Variants in PPP2R5A observed in about 807,000 individuals in gnomAD.
PPP2R5A encodes protein phosphatase 2 regulatory subunit B'alpha, also known as serine/threonine-protein phosphatase 2A 56 kDa regulatory subunit alpha isoform.
A neutral mutation model predicts 64.2 loss-of-function variants in PPP2R5A; 25 were observed. The ratio of observed to expected loss-of-function variants is 0.39; its 90% confidence interval spans 0.28 to 0.54. The LOEUF (loss-of-function observed/expected upper bound fraction) is 0.54. Among genes scored for constraint, PPP2R5A ranks in the 20% least tolerant of loss-of-function variants. The pLI is 0.67. For missense variants in PPP2R5A, 425 were observed against 576.3 expected (o/e 0.74, Z 2.69); for synonymous variants, 198 against 201.2 (o/e 0.98, Z 0.13).
In PPP2R5A at chr1:212,333,515, C is replaced by T; in HGVS notation, c.397C>T (p.Arg133Cys). Residue 133 changes from arginine to cysteine, a missense_variant, in exon 3 of 13, where the codon CGT becomes TGT. By Grantham distance (180) the Arg-to-Cys change is radical. Transcript: ENST00000261461. ...IVKMISANIF[R>C]TLPPSDNPDF... ...TTTACAGATCAGTGCTAACATCTTC[C>T]GTACACTTCCTCCAAGTGATAATCC... 4 of 1,594,530 alleles carry T rather than the reference C, an allele frequency of 2.5e-6. No homozygotes were observed. The highest frequency in any genetic ancestry group is 3.4e-6 in the Non-Finnish European group (4 of 1,168,196).
In PPP2R5A at chr1:212,321,923, C is replaced by T. The variant is rs1444044421; in HGVS notation, c.182-7212C>T. Among the ~76,000 whole-genome samples, 7 of 151,890 alleles carry T rather than the reference C, an allele frequency of 4.6e-5. 1 individual carries two copies. The highest frequency in any genetic ancestry group is 1.3e-4 in the Admixed American group (2 of 15,268). ...ATTGAGCACTGAGTGAACGCGACTC[C>T]GTCTGCCATCCCGGCACCTCGGGAG... On this transcript the variant is annotated intron_variant, in intron 1 of 12. Transcript: ENST00000261461.
At chr1:212,329,469 C>A in intron 2 of PPP2R5A, 138 bp downstream of exon 2, 2 of 720,918 alleles carry the variant, frequency 2.8e-6, no homozygotes, top group Non-Finnish European at 4.3e-6. Context: ...CATACCCCAT[C>A]CATTCCAATG....
rs376667840 is a variant in PPP2R5A, at chr1:212,347,258, TTTGGA to T, written c.705-85_705-81del. 3.6e-4 allele frequency: 344 copies of T among 942,836 alleles called. No homozygotes were observed. In the African/African-American group the frequency reaches 5.2e-3, roughly 14 times the overall value. The allele number at this position is 942,836 out of a possible 1,614,324, so 58.4% of individuals were successfully genotyped here. On this transcript the variant is annotated intron_variant, in intron 5 of 12. Transcript: ENST00000261461. ...GCTTGTGTGTTTCTAATAGCTGTCC[TTTGGA>T]TTGATTTCTTCACCCTCCTGCCTGT...
chr1:212,330,240 T>A (rs1322804417), intron 2 of PPP2R5A, among the ~76,000 whole-genome samples: 1 of 152,120 alleles, frequency 6.6e-6, no homozygotes, highest in Non-Finnish European at 1.5e-5. Flanking sequence ...ATATAAAAAT[T>A]CAGGCCAGTG....
chr1:212,352,078 C>A (rs1355930705), intron 8 of PPP2R5A, among the ~76,000 whole-genome samples: 1 of 149,890 alleles, frequency 6.7e-6, no homozygotes, highest in Non-Finnish European at 1.5e-5. Context: ...GGAGTGCAGT[C>A]AGTGGCACCA....
Position 212,358,790 on chromosome 1 carries a change from A to T in PPP2R5A, c.1328+3A>T. The T allele has an allele frequency of 6.2e-7, 1 of 1,605,790 alleles. No homozygotes were observed. The highest frequency in any genetic ancestry group is 8.5e-7 in the Non-Finnish European group (1 of 1,173,572). ...TCATACAAAGCTGAAAGACAGAGGT[A>T]TTTGATATTTTGAATTACAAAATTA... On this transcript the variant is annotated splice_donor_region_variant and intron_variant, in intron 12 of 12. Transcript: ENST00000261461.
chr1:212,319,956 T>G (rs1294626533), intron 1 of PPP2R5A, among the ~76,000 whole-genome samples: 3 of 149,522 alleles, frequency 2.0e-5, no homozygotes, highest in Non-Finnish European at 4.5e-5. Flanking sequence ...TGTTTTTTTT[T>G]TTTTTTTTTT....
At chr1:212,291,203 C>G (rs1658596673) in intron 1 of PPP2R5A, among the ~76,000 whole-genome samples, 1 of 152,050 alleles carries the variant, frequency 6.6e-6, no homozygotes, top group Admixed American at 6.6e-5. Context: ...CTCTGCCTCC[C>G]AGGTTCAAGC....
intron 8 of PPP2R5A, among the ~76,000 whole-genome samples, chr1:212,351,869 C>T (rs1659885858): frequency 6.6e-6 from 1 of 151,980 alleles, no homozygotes; most frequent in Non-Finnish European, 1.5e-5. Context: ...TCCTTCCACT[C>T]AAAGCTGCAT....
At chr1:212,323,652 AAAAC>A (rs1403466187) in intron 1 of PPP2R5A, among the ~76,000 whole-genome samples, 1 of 152,224 alleles carries the variant, frequency 6.6e-6, no homozygotes, top group African/African-American at 2.4e-5. Flanking sequence ...AGAAAAAACA[AAAAC>A]AAATTTAAAT....
chr1:212,291,397 TAAAAC>T (rs766137832), intron 1 of PPP2R5A, among the ~76,000 whole-genome samples: 16 of 152,246 alleles, frequency 1.1e-4, no homozygotes, highest in African/African-American at 1.4e-4. Flanking sequence ...CTGGAGAGTT[TAAAAC>T]AAAACAAAAC....
intron 1 of PPP2R5A, among the ~76,000 whole-genome samples, chr1:212,303,883 G>A (rs1353686826): frequency 6.6e-6 from 1 of 152,074 alleles, no homozygotes; most frequent in Non-Finnish European, 1.5e-5. Flanking sequence ...CCATTGATCT[G>A]TATGTCTGTT....
chr1:212,345,710 A>T, intron 4 of PPP2R5A, 93 bp from the exon 5 acceptor site: 1 of 1,382,642 alleles, frequency 7.2e-7, no homozygotes, highest in Non-Finnish European at 9.8e-7. Context: ...AAAAATTTTT[A>T]AAAGATGTCA....
In PPP2R5A at chr1:212,286,095, C is replaced by A. The variant is rs1658491221; in HGVS notation, c.-16C>A. On this transcript the variant is annotated 5_prime_UTR_variant, in exon 1 of 13. Transcript: ENST00000261461. ...GCAAGCAGCAGCCGGAGCTGCCAAG[C>A]GTCAGGGCCGCGGAGATGTCGTCGT... 1 of 1,548,164 alleles carries A rather than the reference C, an allele frequency of 6.5e-7. No homozygotes were observed. The highest frequency in any genetic ancestry group is 1.4e-5 in the African/African-American group (1 of 72,078).
intron 1 of PPP2R5A, among the ~76,000 whole-genome samples, chr1:212,287,784 TA>T (rs1238871345): frequency 5.3e-5 from 8 of 152,190 alleles, no homozygotes; most frequent in Admixed American, 3.9e-4. Context: ...TACACTTATT[TA>T]AAATATCATA....
At chr1:212,289,837 T>C (rs1047947917) in intron 1 of PPP2R5A, among the ~76,000 whole-genome samples, 2 of 152,236 alleles carry the variant, frequency 1.3e-5, no homozygotes, top group African/African-American at 4.8e-5. Context: ...ATTTTATTTA[T>C]AATCAGTTTT....
intron 1 of PPP2R5A, among the ~76,000 whole-genome samples, chr1:212,314,073 GC>G (rs1659097983): frequency 6.6e-6 from 1 of 152,014 alleles, no homozygotes; most frequent in Non-Finnish European, 1.5e-5. Flanking sequence ...ATTCATAAGA[GC>G]TTTGCTTGTT....
At chr1:212,357,351 T>G in intron 11 of PPP2R5A, 67 bp downstream of exon 11, 1 of 1,341,954 alleles carries the variant, frequency 7.5e-7, no homozygotes, top group Non-Finnish European at 9.9e-7. Context: ...GTTATTGATT[T>G]CCTAACTCAT....
intron 1 of PPP2R5A, among the ~76,000 whole-genome samples, chr1:212,304,471 C>T (rs1185715564): frequency 6.6e-6 from 1 of 151,980 alleles, no homozygotes; most frequent in African/African-American, 2.4e-5. Context: ...ATCGCTTGAA[C>T]CTGGGAGGAG....
Sources: gnomAD v4.1 joint callset for allele counts (sites outside exome capture counted in the v4.1 genomes callset) on GRCh38, gnomAD v4.1.1 for gene constraint, MANE v1.5 for transcripts, NCBI Gene and HGNC (gene_info 2026-07-23, HGNC 2026-07-21) for gene names.